The following CLRN1 variants were observed in gnomAD, a reference collection of about 807,000 sequenced individuals.
The protein encoded by CLRN1 is clarin-1.
In CLRN1, 15 loss-of-function variants were observed where a neutral mutation model predicts 18.7. The ratio of observed to expected loss-of-function variants is 0.80; its 90% confidence interval spans 0.54 to 1.23. The LOEUF is 1.23. Among genes scored for constraint, CLRN1 ranks in the 50% most tolerant of loss-of-function variants. The pLI is 0.00. For synonymous variants in CLRN1, 104 were observed against 102.9 expected (o/e 1.01, Z -0.07); for missense variants, 311 against 277.5 (o/e 1.12, Z -0.86).
chr3:150,945,562 A>C (rs1295494874), intron 1 of CLRN1: 1 of 1,286,984 alleles, frequency 7.8e-7, no homozygotes, highest in Non-Finnish European at 1.0e-6. Context: ...AATAGGGAGC[A>C]TCCTCTTCGT....
intron 1 of CLRN1, among the ~76,000 whole-genome samples, chr3:150,971,287 C>T (rs1204810821): frequency 2.0e-5 from 3 of 152,114 alleles, no homozygotes; most frequent in African/African-American, 7.2e-5. Context: ...AACTGGTATC[C>T]ACTTCATCAA....
chr3:150,946,843 C>T (rs1225424772), intron 1 of CLRN1, among the ~76,000 whole-genome samples: 1 of 150,682 alleles, frequency 6.6e-6, no homozygotes, highest in Non-Finnish European at 1.5e-5. Flanking sequence ...GTGCGCTGCA[C>T]CCACTAACTT....
At chr3:150,972,327 T>C in intron 1 of CLRN1, 129 bp downstream of exon 1, 1 of 1,193,544 alleles carries the variant, frequency 8.4e-7, no homozygotes, top group East Asian at 2.5e-5. Context: ...GTCATAGGTT[T>C]TTCATATGGT....
intron 2 of CLRN1, among the ~76,000 whole-genome samples, chr3:150,931,825 A>T (rs1713164976): frequency 6.6e-6 from 1 of 152,074 alleles, no homozygotes; most frequent in Admixed American, 6.6e-5. Context: ...AGTTGGACAG[A>T]TTCCTTATGT....
intron 1 of CLRN1, among the ~76,000 whole-genome samples, chr3:150,962,955 A>C (rs1715103252): frequency 6.6e-6 from 1 of 152,244 alleles, no homozygotes; most frequent in South Asian, 2.1e-4. Context: ...CATAAGGCCA[A>C]ATATTCTCAG....
chr3:150,956,681 C>T (rs1042769267), intron 1 of CLRN1, among the ~76,000 whole-genome samples: 3 of 152,148 alleles, frequency 2.0e-5, no homozygotes, highest in Non-Finnish European at 1.5e-5. Context: ...CTCCTGCAGT[C>T]ATTTGGTGAG....
At chr3:150,945,662 G>A in intron 1 of CLRN1, 2 of 1,278,586 alleles carry the variant, frequency 1.6e-6, no homozygotes, top group South Asian at 1.3e-5. Context: ...ATGTTTAGTT[G>A]TACTACATTT....
downstream of CLRN1, chr3:150,926,478 C>CAAAA (rs11366223): frequency 6.1e-6 from 2 of 330,480 alleles, no homozygotes; most frequent in African/African-American, 4.4e-5. Flanking sequence ...AGCCTGTTAC[C>CAAAA]AAAAAAAAAA....
intron 1 of CLRN1, among the ~76,000 whole-genome samples, chr3:150,949,716 A>T (rs1430253558): frequency 6.6e-6 from 1 of 152,176 alleles, no homozygotes; most frequent in Admixed American, 6.6e-5. Context: ...AAATGGAAAA[A>T]CATCCCATGC....
intron 1 of CLRN1, among the ~76,000 whole-genome samples, chr3:150,959,635 A>G (rs925660761): frequency 1.3e-5 from 2 of 151,998 alleles, no homozygotes; most frequent in African/African-American, 4.8e-5. Flanking sequence ...TCTCAAAAAA[A>G]AAAAAAAAAA....
At chr3:150,948,373 A>G (rs1714290782) in intron 1 of CLRN1, among the ~76,000 whole-genome samples, 1 of 150,208 alleles carries the variant, frequency 6.7e-6, no homozygotes, top group South Asian at 2.1e-4. Context: ...AGTCCCAGCT[A>G]CTCGGGAGGC....
At chr3:150,928,814 A>G (rs928534901) in intron 2 of CLRN1, among the ~76,000 whole-genome samples, 1 of 152,184 alleles carries the variant, frequency 6.6e-6, no homozygotes, top group African/African-American at 2.4e-5. Flanking sequence ...TTGGCTAGAC[A>G]TGTGAGTGTC....
Position 150,936,908 on chromosome 3 carries a change from G to A in CLRN1, c.433+4674C>T, listed in dbSNP as rs148893950. Among the ~76,000 whole-genome samples, 140 of 152,114 alleles carry A rather than the reference G, an allele frequency of 9.2e-4. 1 individual carries two copies. The highest frequency in any genetic ancestry group is 3.3e-3 in the African/African-American group (136 of 41,494). Reference sequence around the variant, plus strand: ...CTTTCTCTTCTACTTGGGACGTTCTGTGAAGGTTCTCAGTTCCTTCTTAGC... The same window carrying A: ...CTTTCTCTTCTACTTGGGACGTTCTATGAAGGTTCTCAGTTCCTTCTTAGC... On this transcript the variant is annotated intron_variant, in intron 2 of 2. Coordinates refer to ENST00000327047, the MANE Select transcript of CLRN1 (RefSeq NM_174878.3).
intron 2 of CLRN1, among the ~76,000 whole-genome samples, chr3:150,939,526 C>G (rs1008347236): frequency 1.3e-5 from 2 of 152,166 alleles, no homozygotes; most frequent in African/African-American, 4.8e-5. Context: ...CAAACTTGAG[C>G]CAGCCTCAGA....
intron 1 of CLRN1, among the ~76,000 whole-genome samples, chr3:150,952,527 A>C (rs1714543475): frequency 6.6e-6 from 1 of 152,172 alleles, no homozygotes; most frequent in Non-Finnish European, 1.5e-5. Context: ...GTTTATCGGG[A>C]AGTAACATCA....
At position 150,972,722 on chromosome 3, in the gene CLRN1, T is replaced by G. The variant is rs1288327731; in HGVS notation, c.-14A>C. 2 of 1,614,202 alleles carry G rather than the reference T, an allele frequency of 1.2e-6. No homozygotes were observed. The highest frequency in any genetic ancestry group is 1.1e-5 in the South Asian group (1 of 91,086). ...TTGGCTTGGCATGATGAGAAACGGC[T>G]TCTGTGAGGGCGAGGTTCAAAAACA... On this transcript the variant is annotated 5_prime_UTR_variant, in exon 1 of 3. Transcript: ENST00000327047.
At chr3:150,948,504 A>G (rs1210013667) in intron 1 of CLRN1, among the ~76,000 whole-genome samples, 7 of 149,380 alleles carry the variant, frequency 4.7e-5, no homozygotes, top group South Asian at 2.1e-4. Context: ...AAAAAAAAAA[A>G]AAAAAGAAAT....
rs1262696260 is a variant in CLRN1, at chr3:150,941,744, TGAGCAAATCTG to T, written c.260_270del (p.Pro87GlnfsTer39). 1 of 1,613,916 alleles carries T rather than the reference TGAGCAAATCTG, an allele frequency of 6.2e-7. No individual in the cohort carries two copies. The highest frequency in any genetic ancestry group is 8.5e-7 in the Non-Finnish European group (1 of 1,179,916). ...ACGTGGATGCTCACTGGGATTGCTTTGAGCAAATCTGGAAAAACTGAAGATAAGACAAAACT... is the reference window on the plus strand; with the variant it reads ...ACGTGGATGCTCACTGGGATTGCTTTGAAAAACTGAAGATAAGACAAAACT... On this transcript the variant is annotated frameshift_variant, in exon 2 of 3. Coordinates refer to ENST00000327047, the MANE Select transcript of CLRN1 (RefSeq NM_174878.3). LOFTEE classifies it high-confidence loss of function.
chr3:150,958,449 G>T (rs767955782), intron 1 of CLRN1, among the ~76,000 whole-genome samples: 1 of 152,102 alleles, frequency 6.6e-6, no homozygotes, highest in Non-Finnish European at 1.5e-5. Flanking sequence ...AAGGCTTCAT[G>T]TTGCCTACAA....
Sources: gnomAD v4.1 joint callset for allele counts (sites outside exome capture counted in the v4.1 genomes callset) on GRCh38, gnomAD v4.1.1 for gene constraint, MANE v1.5 for transcripts, NCBI Gene and HGNC (gene_info 2026-07-23, HGNC 2026-07-21) for gene names.